The following YWHAZ variants were observed in gnomAD, a reference collection of about 807,000 sequenced individuals.
The protein encoded by YWHAZ is 14-3-3 protein zeta/delta.
For missense variants in YWHAZ, 79 were observed against 284.8 expected (o/e 0.28, Z 5.20); for synonymous variants, 87 against 103.6 (o/e 0.84, Z 0.97).
intron 5 of YWHAZ, 136 bp from the exon 6 acceptor site, chr8:100,920,888 C>T: frequency 1.3e-6 from 1 of 758,264 alleles, no homozygotes; most frequent in Non-Finnish European, 2.2e-6. Context: ...CACTTAGCTT[C>T]AAGATACAAA....
Position 100,948,976 on chromosome 8 carries a change from ATGAG to A in YWHAZ, c.-11-80_-11-77del. 6.7e-7 allele frequency: 1 copy of A among 1,483,104 alleles called. No homozygotes were observed. 91.9% of individuals were successfully genotyped at this position (1,483,104 alleles called of 1,614,324 possible). On this transcript the variant is annotated intron_variant, in intron 1 of 5. Transcript: ENST00000395958. The surrounding 1 kb of genome is among the most constrained non-coding windows in gnomAD (Gnocchi z 4.2). ...AGACTCAAAATTATACCTGTGGTAAATGAGTTTTTTAAACCTGAAACCTAACTGC... is the reference window on the plus strand; with the variant it reads ...AGACTCAAAATTATACCTGTGGTAAATTTTTTAAACCTGAAACCTAACTGC...
chr8:100,932,689 G>C (rs925132925), intron 2 of YWHAZ, among the ~76,000 whole-genome samples: 5 of 152,114 alleles, frequency 3.3e-5, no homozygotes, highest in African/African-American at 1.2e-4. Flanking sequence ...TTATCTGCCT[G>C]CAGTTCTTTG....
At chr8:100,930,501 G>A (rs1432030089) in intron 2 of YWHAZ, among the ~76,000 whole-genome samples, 3 of 152,154 alleles carry the variant, frequency 2.0e-5, no homozygotes, top group Non-Finnish European at 4.4e-5. Flanking sequence ...AAATGGTTTT[G>A]AGGTCAAACA....
chr8:100,950,668 G>T, intron 1 of YWHAZ: 2 of 854,666 alleles, frequency 2.3e-6, no homozygotes, highest in Middle Eastern at 6.1e-4. Flanking sequence ...GGGGGGGGGG[G>T]AGAGATGGGG....
At chr8:100,945,488 C>T (rs994457148) in intron 2 of YWHAZ, among the ~76,000 whole-genome samples, 17 of 152,028 alleles carry the variant, frequency 1.1e-4, no homozygotes, top group Admixed American at 6.5e-4. Flanking sequence ...CAAAGGGACA[C>T]CTGCTTATTT....
chr8:100,948,493 T>C lies in YWHAZ; in HGVS notation c.294+103A>G, dbSNP rs867728433. 5 of 1,299,972 alleles carry C rather than the reference T, an allele frequency of 3.8e-6. No individual in the cohort carries two copies. Among genetic ancestry groups the C allele is most frequent in the African/African-American group, 1.5e-5 (1 of 67,632 alleles). 80.5% of individuals were successfully genotyped at this position (1,299,972 alleles called of 1,614,324 possible). A position where few individuals can be genotyped will look rare whatever the true frequency, so the allele number is the denominator to read the frequency against. On this transcript the variant is annotated intron_variant, in intron 2 of 5. Transcript: ENST00000395958. The surrounding 1 kb of genome is among the most constrained non-coding windows in gnomAD (Gnocchi z 4.2). ...AGACTTTTAAATTTGGAACACACAA[T>C]GTTTAGAAGGAAAAGAAAAACCAAA...
At chr8:100,942,746 G>C (rs1009056369) in intron 2 of YWHAZ, among the ~76,000 whole-genome samples, 2 of 152,138 alleles carry the variant, frequency 1.3e-5, no homozygotes, top group African/African-American at 4.8e-5. Flanking sequence ...CTCTTGCAGG[G>C]AATTCTGGCA....
At chr8:100,929,632 G>A (rs1317008992) in intron 2 of YWHAZ, among the ~76,000 whole-genome samples, 1 of 152,058 alleles carries the variant, frequency 6.6e-6, no homozygotes, top group East Asian at 1.9e-4. Context: ...CTATCTAACC[G>A]GATTTTTGTA....
intron 2 of YWHAZ, among the ~76,000 whole-genome samples, chr8:100,937,511 A>G (rs979914516): frequency 6.6e-6 from 1 of 152,240 alleles, no homozygotes; most frequent in African/African-American, 2.4e-5. Context: ...TCCCCCCAGA[A>G]TATCAAAGCA....
Position 100,916,922 on chromosome 8 carries a change from C to T in YWHAZ, c.*3771G>A, listed in dbSNP as rs937270489. The T allele has an allele frequency of 2.6e-5, 4 of 152,188 alleles. No individual in the cohort carries two copies. Among genetic ancestry groups the T allele is most frequent in the Non-Finnish European group, 5.9e-5 (4 of 68,022 alleles). 9.4% of individuals were successfully genotyped at this position (152,188 alleles called of 1,614,324 possible). On this transcript the variant is annotated 3_prime_UTR_variant, in exon 6 of 6. Coordinates refer to ENST00000395958, the MANE Select transcript of YWHAZ (RefSeq NM_145690.3). ...TTAGAAAAGAATCCAAGTCTATTTT[C>T]CAAGTGCCCAGTCTCAGCCACCACT...
intron 2 of YWHAZ, among the ~76,000 whole-genome samples, chr8:100,928,173 G>A (rs954941898): frequency 3.9e-5 from 6 of 151,962 alleles, no homozygotes; most frequent in Non-Finnish European, 8.8e-5. Context: ...CCAGCTACTC[G>A]GGAGACTGAG....
intron 2 of YWHAZ, among the ~76,000 whole-genome samples, chr8:100,942,796 A>G (rs916785724): frequency 2.6e-5 from 4 of 152,232 alleles, no homozygotes; most frequent in Admixed American, 2.0e-4. Context: ...AGCATTTTAG[A>G]AAGATTAGAA....
Position 100,920,128 on chromosome 8 carries a change from G to A in YWHAZ, c.*565C>T, listed in dbSNP as rs1341850498. The A allele has an allele frequency of 1.3e-5, 2 of 152,496 alleles. No homozygotes were observed. Among genetic ancestry groups the A allele is most frequent in the African/African-American group, 4.8e-5 (2 of 41,258 alleles). The allele number at this position is 152,496 out of a possible 1,614,324, so 9.4% of individuals were successfully genotyped here. On this transcript the variant is annotated 3_prime_UTR_variant, in exon 6 of 6. Transcript: ENST00000395958. ...TGAACCGTTTCTGCCCTTATCCAGA[G>A]TAAAATGGGTCACAACTTTGTCTAA...
intron 2 of YWHAZ, among the ~76,000 whole-genome samples, chr8:100,945,257 T>G (rs1810183464): frequency 6.6e-6 from 1 of 152,234 alleles, no homozygotes; most frequent in African/African-American, 2.4e-5. Flanking sequence ...TCTTGTAATA[T>G]GCAACATGGT....
chr8:100,946,980 G>A (rs1349046738), intron 2 of YWHAZ, among the ~76,000 whole-genome samples: 8 of 151,432 alleles, frequency 5.3e-5, no homozygotes, highest in African/African-American at 1.5e-4. Context: ...TTGGCCGGGC[G>A]CGGTGGCTCA....
rs185980726 is a variant in YWHAZ, at chr8:100,924,614, G to A, written c.418+302C>T. On this transcript the variant is annotated intron_variant, in intron 3 of 5. Transcript: ENST00000395958. This position sits in a 1 kb window ranked among gnomAD's most constrained non-coding sequence, Gnocchi z 5.7. ...CCAGATTAGCTGGGACCAAAGGCTT[G>A]CACCACCATGCCCAGCTAATTTTCA... 6.6e-6 allele frequency among the ~76,000 whole-genome samples: 1 copy of A among 152,240 alleles called. No individual in the cohort carries two copies. Among genetic ancestry groups the A allele is most frequent in the Admixed American group, 6.5e-5 (1 of 15,286 alleles).
intron 2 of YWHAZ, among the ~76,000 whole-genome samples, chr8:100,932,454 G>A (rs1269098906): frequency 1.3e-5 from 2 of 151,986 alleles, no homozygotes; most frequent in Non-Finnish European, 2.9e-5. Context: ...AACCCTAAAC[G>A]GTAACAATAC....
chr8:100,937,272 T>C (rs965207894), intron 2 of YWHAZ, among the ~76,000 whole-genome samples: 2 of 152,074 alleles, frequency 1.3e-5, no homozygotes, highest in African/African-American at 4.8e-5. Flanking sequence ...CCCTTTTTCA[T>C]ACCCTTTATA....
intron 1 of YWHAZ, chr8:100,950,480 C>G: frequency 3.0e-6 from 3 of 985,578 alleles, no homozygotes; most frequent in Non-Finnish European, 3.6e-6. Flanking sequence ...CTCCGGTCCG[C>G]GTATCGCAAC....
Sources: allele counts gnomAD v4.1 joint callset (sites outside exome capture counted in the v4.1 genomes callset), GRCh38; gene constraint gnomAD v4.1.1; non-coding constraint Gnocchi (gnomAD v3.1); transcripts MANE v1.5; gene names NCBI Gene and HGNC (gene_info 2026-07-23, HGNC 2026-07-21).